Variants in CCDC171 observed in about 807,000 individuals in gnomAD.
The protein encoded by CCDC171 is coiled-coil domain containing 171.
In CCDC171, 177 loss-of-function variants were observed where a neutral mutation model predicts 168.2. The ratio of observed to expected loss-of-function variants is 1.05; its 90% CI spans 0.93 to 1.19. CCDC171 has a LOEUF of 1.19. CCDC171 is among the 50% of genes most tolerant of loss of function. The pLI, the probability that CCDC171 is intolerant of heterozygous loss-of-function variation, is 0.00. For synonymous variants in CCDC171, 687 were observed against 540.8 expected (o/e 1.27, Z -3.75); for missense variants, 1,991 against 1,539.0 (o/e 1.29, Z -4.91).
chr9:16,041,499 G>A (rs566415447), upstream of CCDC171, among the ~76,000 whole-genome samples: 4 of 152,316 alleles, frequency 2.6e-5, no homozygotes, highest in East Asian at 7.7e-4. Flanking sequence ...CATGGTAAAG[G>A]GAGGGCAATG....
intron 6 of CCDC171, among the ~76,000 whole-genome samples, chr9:15,600,159 G>C (rs2202865): frequency 0.064 from 9,717 of 152,242 alleles, 424 homozygotes; most frequent in African/African-American, 0.12. Context: ...TCTCCATCCA[G>C]CTTTGGTCTT....
the CCDC171 span, among the ~76,000 whole-genome samples, chr9:16,100,564 CT>C: frequency 3.9e-5 from 6 of 152,316 alleles, no homozygotes; most frequent in South Asian, 1.2e-3. Context: ...CTAGAGGCCA[CT>C]TGAGTGTCCA....
chr9:15,799,277 C>T (rs917127299), intron 21 of CCDC171, among the ~76,000 whole-genome samples: 4 of 150,152 alleles, frequency 2.7e-5, no homozygotes, highest in African/African-American at 7.3e-5. Flanking sequence ...TCTTTATTTT[C>T]GAAAGGTGTT....
intron 6 of CCDC171, among the ~76,000 whole-genome samples, chr9:16,029,567 C>A (rs79917241): frequency 0.054 from 8,275 of 152,204 alleles, 732 homozygotes; most frequent in African/African-American, 0.19. Context: ...ATTTGTTAGG[C>A]CTGCCTATGT....
intron 21 of CCDC171, among the ~76,000 whole-genome samples, chr9:15,810,404 T>C (rs962109282): frequency 6.6e-6 from 1 of 150,428 alleles, no homozygotes; most frequent in Non-Finnish European, 1.5e-5. Flanking sequence ...CCTGCACTCC[T>C]CAGCCCTTGG....
the CCDC171 span, among the ~76,000 whole-genome samples, chr9:16,086,628 A>T: frequency 6.6e-6 from 1 of 151,878 alleles, no homozygotes; most frequent in Non-Finnish European, 1.5e-5. Flanking sequence ...TCTGGCTAGC[A>T]GTCTGTCTAT....
At chr9:15,727,759 G>A (rs1394193753) in intron 14 of CCDC171, 110 bp from the exon 15 acceptor site, 4 of 734,164 alleles carry the variant, frequency 5.4e-6, no homozygotes, top group African/African-American at 1.8e-5. Context: ...CTTGAGTATT[G>A]TAATTCCTTT....
At chr9:15,555,746 C>CA (rs2038736790) in intron 1 of CCDC171, among the ~76,000 whole-genome samples, 1 of 152,172 alleles carries the variant, frequency 6.6e-6, no homozygotes, top group Non-Finnish European at 1.5e-5. Context: ...AGGTTTGTTA[C>CA]ATATGCATAC....
chr9:15,995,788 A>T (rs1832350674), intron 3 of CCDC171, among the ~76,000 whole-genome samples: 1 of 152,220 alleles, frequency 6.6e-6, no homozygotes, highest in East Asian at 1.9e-4. Context: ...TCTGTTGAAT[A>T]TTCAGTTTCC....
intron 1 of CCDC171, among the ~76,000 whole-genome samples, chr9:16,060,192 G>A (rs1833909925): frequency 6.6e-6 from 1 of 152,154 alleles, no homozygotes; most frequent in Admixed American, 6.5e-5. Flanking sequence ...GGCAATTCAG[G>A]TCCAGTTCAT....
chr9:15,779,238 G>T (rs553206044), intron 20 of CCDC171, 88 bp downstream of exon 20: 101 of 754,726 alleles, frequency 1.3e-4, no homozygotes, highest in South Asian at 7.4e-4. Context: ...TTTGTTATGT[G>T]TGGTTTTTCA....
chr9:15,778,665 A>G (rs934424257), intron 19 of CCDC171, among the ~76,000 whole-genome samples: 14 of 149,986 alleles, frequency 9.3e-5, no homozygotes, highest in African/African-American at 1.2e-4. Context: ...AAAAAAAAAA[A>G]GGCATGACAT....
intron 23 of CCDC171, among the ~76,000 whole-genome samples, chr9:15,865,858 G>C (rs2061760774): frequency 6.6e-6 from 1 of 150,956 alleles, no homozygotes; most frequent in Admixed American, 6.6e-5. Context: ...GCGTGTGTGT[G>C]TGTGTGTGTG....
intron 18 of CCDC171, among the ~76,000 whole-genome samples, chr9:15,772,896 G>A (rs73644946): frequency 0.027 from 4,162 of 152,240 alleles, 186 homozygotes; most frequent in African/African-American, 0.096. Flanking sequence ...AAGGGAAATG[G>A]AGATGTCAGG....
chr9:15,784,665 A>G lies in CCDC171; in HGVS notation c.3238A>G (p.Lys1080Glu), dbSNP rs367792059. The change falls in exon 21 of 26, where the codon AAA becomes GAA. Residue 1080 changes from lysine (K) to glutamate (E), a missense_variant. Lys to Glu is a moderately conservative substitution (Grantham distance 56, BLOSUM62 1). Transcript: ENST00000380701. ...LELHSSEEAD[K>E]NQTLGEAVKS... The stretch of plus-strand genomic sequence containing the variant: ...ATTGCACTCCAGTGAGGAAGCTGAC[A>G]AAAACCAAACTCTTGGAGAAGCTGT... The G allele has an allele frequency of 4.3e-6, 7 of 1,612,920 alleles. No homozygotes were observed. The African/African-American group carries it at 8.0e-5, about 18-fold the overall frequency.
At chr9:15,633,633 A>G (rs1175761500) in intron 7 of CCDC171, among the ~76,000 whole-genome samples, 1 of 152,216 alleles carries the variant, frequency 6.6e-6, no homozygotes. Flanking sequence ...TCAGGAATCT[A>G]GTACTAGAAA....
rs997062789 is a variant in CCDC171 at position 15,573,439 on chromosome 9, G to A, written c.177+1680G>A. Among the ~76,000 whole-genome samples, 15 of 151,802 alleles carry A rather than the reference G, an allele frequency of 9.9e-5. No homozygotes were observed. The East Asian group carries it at 2.8e-3, about 28-fold the overall frequency. On this transcript the variant is annotated intron_variant, in intron 3 of 25. Coordinates refer to ENST00000380701, the MANE Select transcript of CCDC171 (RefSeq NM_173550.4). ...TGGGACTACAGGCACGTGCCACCAT[G>A]CCCGGCTAATTTTTGTATTTTTAGT...
At chr9:15,843,589 C>T (rs1402314583) in intron 21 of CCDC171, among the ~76,000 whole-genome samples, 2 of 151,938 alleles carry the variant, frequency 1.3e-5, no homozygotes, top group African/African-American at 2.4e-5. Flanking sequence ...AATTACAGAG[C>T]TGTATGTTTT....
At chr9:16,035,312 A>T (rs1484591181) in intron 6 of CCDC171, 2 of 152,234 alleles carry the variant, frequency 1.3e-5, no homozygotes, top group Admixed American at 1.3e-4. Flanking sequence ...TAAAAAACTA[A>T]CACAGTGGAT....
Sources: gnomAD v4.1 joint callset for allele counts (sites outside exome capture counted in the v4.1 genomes callset) on GRCh38, gnomAD v4.1.1 for gene constraint, MANE v1.5 for transcripts, NCBI Gene and HGNC (gene_info 2026-07-23, HGNC 2026-07-21) for gene names.